Variants in OGG1 observed in about 807,000 individuals in gnomAD.
OGG1 encodes 8-oxoguanine DNA glycosylase.
In OGG1, 35 loss-of-function variants were observed where a neutral mutation model predicts 42.3. The ratio of observed to expected loss-of-function variants is 0.83; its 90% CI spans 0.63 to 1.10. The LOEUF is 1.10. OGG1 is among the 50% of genes least tolerant of loss of function. The pLI is 0.00. For missense variants in OGG1, 484 were observed against 446.7 expected, an observed-to-expected ratio of 1.08 and a Z score of -0.75; for synonymous variants, 189 against 179.0, an observed-to-expected ratio of 1.06 and a Z score of -0.44.
At chr3:9,753,394 C>T (rs1279678805) in intron 3 of OGG1, among the ~76,000 whole-genome samples, 2 of 149,172 alleles carry the variant, frequency 1.3e-5, no homozygotes, top group Non-Finnish European at 1.5e-5. Context: ...GGCTCACACC[C>T]GTAATCCCAG....
intron 3 of OGG1, chr3:9,786,977 T>C: frequency 1.3e-6 from 2 of 1,575,374 alleles, no homozygotes; most frequent in East Asian, 2.2e-5. Context: ...AAAGTAAATA[T>C]GGTTCCTCTT....
At chr3:9,776,376 C>CTTT (rs1419950867) in intron 2 of OGG1, among the ~76,000 whole-genome samples, 14 of 146,064 alleles carry the variant, frequency 9.6e-5, no homozygotes, top group African/African-American at 3.5e-4. Context: ...CTTCTTTTTT[C>CTTT]TTTTTTCTTT....
downstream of OGG1, chr3:9,761,414 G>C (rs2077864240): frequency 6.4e-7 from 1 of 1,566,820 alleles, no homozygotes; most frequent in Non-Finnish European, 8.7e-7. Flanking sequence ...AAGTAGGCGA[G>C]AGGACAACTC....
At chr3:9,790,857 A>G (rs58720000), downstream of OGG1, among the ~76,000 whole-genome samples, 453 of 152,358 alleles carry the variant, frequency 3.0e-3, 1 homozygote, top group African/African-American at 0.01. Context: ...CGCTTATGCC[A>G]GGATTCAAAT....
At chr3:9,781,275 T>C (rs759771381) in intron 2 of OGG1, among the ~76,000 whole-genome samples, 7 of 152,050 alleles carry the variant, frequency 4.6e-5, no homozygotes, top group East Asian at 3.9e-4. Context: ...TAAGACCCTG[T>C]CTCTAAAATA....
downstream of OGG1, among the ~76,000 whole-genome samples, chr3:9,768,837 G>A (rs924313685): frequency 3.9e-5 from 6 of 152,176 alleles, no homozygotes; most frequent in Non-Finnish European, 4.4e-5. Flanking sequence ...TCCTGGAACA[G>A]GACCTTTTTC....
chr3:9,761,367 G>T (rs2077861449), downstream of OGG1: 1 of 1,283,192 alleles, frequency 7.8e-7, no homozygotes, highest in Non-Finnish European at 1.1e-6. Context: ...AGGGAAGGAA[G>T]GGAGGGCAGA....
downstream of OGG1, among the ~76,000 whole-genome samples, chr3:9,789,341 G>A (rs552432888): frequency 6.6e-6 from 1 of 152,156 alleles, no homozygotes; most frequent in Non-Finnish European, 1.5e-5. Context: ...GGCAGTGCAC[G>A]GAGAAAGCTG....
At chr3:9,787,803 GACTA>G (rs1460057309) in exon 4 of OGG1, 24 of 985,566 alleles carry the variant, frequency 2.4e-5, no homozygotes, top group South Asian at 1.9e-4. Context: ...AGGAGAGACT[GACTA>G]ACTTTCTGCT....
At chr3:9,789,041 G>T (rs1378772473), downstream of OGG1, among the ~76,000 whole-genome samples, 1 of 151,912 alleles carries the variant, frequency 6.6e-6, no homozygotes, top group East Asian at 1.9e-4. Context: ...TCACCATGTT[G>T]CCCAGGCTGG....
At chr3:9,787,348 A>G in intron 3 of OGG1, 1 of 1,603,804 alleles carries the variant, frequency 6.2e-7, no homozygotes, top group Non-Finnish European at 8.5e-7. Context: ...GATCTGTGGA[A>G]AAGATGGCAC....
At chr3:9,769,753 A>G (rs1306263657), downstream of OGG1, 1 of 152,256 alleles carries the variant, frequency 6.6e-6, no homozygotes, top group Non-Finnish European at 1.5e-5. Flanking sequence ...ACTCCTTGGG[A>G]AAGGATACCC....
downstream of OGG1, chr3:9,789,707 C>T: frequency 6.2e-7 from 1 of 1,611,684 alleles, no homozygotes; most frequent in Non-Finnish European, 8.5e-7. Context: ...TTCTCTAGCC[C>T]AGAACCTGTT....
At chr3:9,775,875 G>C (rs1201392458) in intron 2 of OGG1, among the ~76,000 whole-genome samples, 1 of 152,100 alleles carries the variant, frequency 6.6e-6, no homozygotes, top group East Asian at 1.9e-4. Flanking sequence ...CCTGACCTCA[G>C]ATGATCCGCC....
intron 3 of OGG1, among the ~76,000 whole-genome samples, chr3:9,782,431 G>A (rs1434093113): frequency 6.6e-6 from 1 of 152,210 alleles, no homozygotes; most frequent in African/African-American, 2.4e-5. Context: ...ACTTGAGAGA[G>A]TGTACATAAA....
rs949252831 is a variant in OGG1 at position 9,751,812 on chromosome 3, C to G, written c.428C>G (p.Ser143Cys). The change falls in exon 3 of 7, where the codon TCT (serine) becomes TGT (cysteine). Residue 143 changes from serine to cysteine, a missense_variant. Coordinates refer to ENST00000344629, the MANE Select transcript of OGG1 (RefSeq NM_002542.6). ...LRQDPIECLF[S>C]FICSSNNNIA... is the part of the protein sequence containing the mutation. ...CAAGACCCCATCGAATGCCTTTTCT[C>G]TTTTATCTGTTCCTCCAACAACAAC... The G allele has an allele frequency of 6.2e-7, 1 of 1,614,044 alleles. No homozygotes were observed. Among genetic ancestry groups the G allele is most frequent in the Admixed American group, 1.7e-5 (1 of 59,996 alleles).
At chr3:9,767,846 G>A, downstream of OGG1, 1 of 1,541,030 alleles carries the variant, frequency 6.5e-7, no homozygotes, top group South Asian at 1.2e-5. Context: ...ATTTACTGCA[G>A]GCCCCATTCA....
downstream of OGG1, among the ~76,000 whole-genome samples, chr3:9,768,580 G>A (rs1044345153): frequency 1.3e-5 from 2 of 152,210 alleles, no homozygotes; most frequent in African/African-American, 4.8e-5. Flanking sequence ...AATGACACCT[G>A]GCCTGGGGCC....
rs746536783 is a variant in OGG1, at chr3:9,751,130, A to G, written c.323A>G (p.Gln108Arg). 2 of 1,614,218 alleles carry G rather than the reference A, an allele frequency of 1.2e-6. No homozygotes were observed. Among genetic ancestry groups the G allele is most frequent in the Admixed American group, 1.7e-5 (1 of 60,026 alleles). Residue 108 changes from glutamine to arginine, a missense_variant, in exon 2 of 7, where the codon CAA becomes CGA. Gln to Arg is a conservative substitution (Grantham distance 43). Coordinates refer to ENST00000344629, the MANE Select transcript of OGG1 (RefSeq NM_002542.6). ...KYFQLDVTLA[Q>R]LYHHWGSVDS... ...TTCCAGCTAGATGTTACCCTGGCTC[A>G]ACTGTATCACCACTGGGGTTCCGTG...
Sources: allele counts gnomAD v4.1 joint callset (sites outside exome capture counted in the v4.1 genomes callset), GRCh38; gene constraint gnomAD v4.1.1; transcripts MANE v1.5; gene names NCBI Gene and HGNC (gene_info 2026-07-23, HGNC 2026-07-21).